CREB3L2: variants seen among roughly 807,000 people sequenced by gnomAD.
CREB3L2 encodes the protein cyclic AMP-responsive element-binding protein 3-like protein 2.
A neutral mutation model predicts 57.2 loss-of-function variants in CREB3L2; 23 were observed. The observed-to-expected ratio is 0.40, with a 90% CI of 0.29 to 0.57. The LOEUF is 0.57. Ranked by LOEUF, CREB3L2 falls within the 20% of genes least tolerant of loss-of-function variation. CREB3L2 has a pLI of 0.42. For synonymous variants in CREB3L2, 268 were observed against 265.1 expected (o/e 1.01, Z -0.11); for missense variants, 628 against 634.7 (o/e 0.99, Z 0.11).
At chr7:137,894,208 TA>T (rs1799575285) in intron 8 of CREB3L2, among the ~76,000 whole-genome samples, 1 of 152,190 alleles carries the variant, frequency 6.6e-6, no homozygotes, top group Non-Finnish European at 1.5e-5. Context: ...TTGCTTGCTA[TA>T]AAAGCAGTGG....
intron 1 of CREB3L2, among the ~76,000 whole-genome samples, chr7:137,938,412 C>T (rs893982591): frequency 6.6e-6 from 1 of 152,094 alleles, no homozygotes; most frequent in African/African-American, 2.4e-5. Context: ...GTGGTGCGAT[C>T]TCGGCTCACT....
intron 1 of CREB3L2, among the ~76,000 whole-genome samples, chr7:137,969,761 AACACAC>A (rs66931280): frequency 1.3e-3 from 136 of 103,652 alleles, no homozygotes; most frequent in African/African-American, 2.7e-3. Flanking sequence ...AGGGTCATCA[AACACAC>A]ACACACACAC....
intron 1 of CREB3L2, among the ~76,000 whole-genome samples, chr7:137,955,487 G>A (rs1801191510): frequency 6.6e-6 from 1 of 152,084 alleles, no homozygotes; most frequent in African/African-American, 2.4e-5. Flanking sequence ...TATGTGTGAG[G>A]GCACTTGGCA....
intron 1 of CREB3L2, among the ~76,000 whole-genome samples, chr7:137,982,385 G>A (rs1801726016): frequency 6.6e-6 from 1 of 152,156 alleles, no homozygotes; most frequent in Non-Finnish European, 1.5e-5. Context: ...GTGCTATGGG[G>A]TTGAATTGTG....
intron 2 of CREB3L2, among the ~76,000 whole-genome samples, chr7:137,917,689 T>C (rs1800166895): frequency 6.6e-6 from 1 of 152,218 alleles, no homozygotes; most frequent in South Asian, 2.1e-4. Flanking sequence ...GTTTCATAAG[T>C]GACTTCTTTA....
chr7:137,992,934 A>AGGCC (rs919925965), intron 1 of CREB3L2, among the ~76,000 whole-genome samples: 2 of 152,222 alleles, frequency 1.3e-5, no homozygotes, highest in African/African-American at 4.8e-5. Flanking sequence ...AAGGAAATGG[A>AGGCC]GGCCATGGCT....
At chr7:137,884,216 C>G (rs1290798525) in intron 10 of CREB3L2, 1 of 149,602 alleles carries the variant, frequency 6.7e-6, no homozygotes, top group Non-Finnish European at 1.5e-5. Flanking sequence ...GCATATTGGC[C>G]AGGCTGGTCT....
At chr7:137,936,089 C>A (rs989957733) in intron 1 of CREB3L2, among the ~76,000 whole-genome samples, 1 of 152,192 alleles carries the variant, frequency 6.6e-6, no homozygotes, top group African/African-American at 2.4e-5. Flanking sequence ...AAGCTACCGA[C>A]CTGTCTTCCG....
intron 4 of CREB3L2, among the ~76,000 whole-genome samples, chr7:137,911,559 C>T (rs1365379786): frequency 1.3e-5 from 2 of 152,324 alleles, no homozygotes; most frequent in African/African-American, 4.8e-5. Flanking sequence ...TGAATGGGAC[C>T]GGGTGAGGTG....
At chr7:137,969,337 CTTCTTTT>C (rs1801461291) in intron 1 of CREB3L2, among the ~76,000 whole-genome samples, 1 of 127,988 alleles carries the variant, frequency 7.8e-6, no homozygotes, top group Non-Finnish European at 1.6e-5. Context: ...GCATTATGAT[CTTCTTTT>C]TTTTTTTTTT....
chr7:137,911,930 C>T lies in CREB3L2; in HGVS notation c.583+1061G>A, dbSNP rs189527789. 3.0e-3 allele frequency among the ~76,000 whole-genome samples: 464 copies of T among 152,264 alleles called. 3 individuals are homozygous for T. Among genetic ancestry groups the T allele is most frequent in the African/African-American group, 0.011 (446 of 41,550 alleles). On this transcript the variant is annotated intron_variant, in intron 4 of 11. Coordinates refer to ENST00000330387, the MANE Select transcript of CREB3L2 (RefSeq NM_194071.4). Reference sequence around the variant, plus strand: ...GAAGTGAGAAGAGCAGGATGTATGCCGGAGAATCTGCATACGCAAGGCAGA... The same window carrying T: ...GAAGTGAGAAGAGCAGGATGTATGCTGGAGAATCTGCATACGCAAGGCAGA...
rs572295732 is a variant in CREB3L2 at position 137,978,589 on chromosome 7, T to C, written c.102+23015A>G. Among the ~76,000 whole-genome samples the C allele has an allele frequency of 3.3e-5, 5 of 152,312 alleles. No homozygotes were observed. The South Asian group carries it at 1.0e-3, about 32-fold the overall frequency. ...ATGTAAAGGTTAGGAAGTCATGTCA[T>C]ATCGTTTTCAAATAATGGTGAGTGG... is the stretch of plus-strand genomic sequence containing the variant. On this transcript the variant is annotated intron_variant, in intron 1 of 11. Coordinates refer to ENST00000330387, the MANE Select transcript of CREB3L2 (RefSeq NM_194071.4).
At chr7:137,902,069 C>T (rs1258039828) in intron 7 of CREB3L2, among the ~76,000 whole-genome samples, 1 of 151,094 alleles carries the variant, frequency 6.6e-6, no homozygotes, top group East Asian at 1.9e-4. Context: ...TGGTGTGTGC[C>T]TGTAATCCGA....
At chr7:137,948,008 C>T (rs1801028733) in intron 1 of CREB3L2, among the ~76,000 whole-genome samples, 1 of 152,198 alleles carries the variant, frequency 6.6e-6, no homozygotes, top group East Asian at 1.9e-4. Flanking sequence ...CCACCAAGTC[C>T]TCCTGCTCTG....
intron 8 of CREB3L2, among the ~76,000 whole-genome samples, chr7:137,887,451 G>A (rs1395128413): frequency 6.6e-6 from 1 of 152,216 alleles, no homozygotes; most frequent in African/African-American, 2.4e-5. Context: ...GCTCACGCCT[G>A]TAATCCCAAC....
intron 1 of CREB3L2, among the ~76,000 whole-genome samples, chr7:137,986,848 GT>G (rs1219701139): frequency 6.6e-6 from 1 of 152,236 alleles, no homozygotes; most frequent in Non-Finnish European, 1.5e-5. Flanking sequence ...AAACCAAATG[GT>G]TTTTTGGCAG....
At chr7:137,960,861 T>G (rs537835398) in intron 1 of CREB3L2, among the ~76,000 whole-genome samples, 1 of 120,704 alleles carries the variant, frequency 8.3e-6, no homozygotes, top group South Asian at 2.6e-4. Context: ...TTGCCCAGGC[T>G]GGAGTGCAAT....
At chr7:137,899,736 A>G (rs1263456128) in intron 8 of CREB3L2, among the ~76,000 whole-genome samples, 1 of 152,194 alleles carries the variant, frequency 6.6e-6, no homozygotes, top group East Asian at 1.9e-4. Flanking sequence ...ACTGCCCCTG[A>G]CTGCTATCTG....
chr7:137,921,821 A>G (rs1321392456), intron 2 of CREB3L2, among the ~76,000 whole-genome samples: 1 of 151,988 alleles, frequency 6.6e-6, no homozygotes, highest in African/African-American at 2.4e-5. Flanking sequence ...CTCTATGTCC[A>G]CCTTTTTCTT....
Sources: gnomAD v4.1 joint callset for allele counts (sites outside exome capture counted in the v4.1 genomes callset) on GRCh38, gnomAD v4.1.1 for gene constraint, MANE v1.5 for transcripts, NCBI Gene and HGNC (gene_info 2026-07-23, HGNC 2026-07-21) for gene names.